PELI2: variants seen among roughly 807,000 people sequenced by gnomAD.
PELI2 encodes the protein E3 ubiquitin-protein ligase pellino homolog 2.
Under a neutral mutation model 42.3 loss-of-function variants are expected in PELI2, and 23 were observed. That is an observed-to-expected ratio of 0.54 (90% CI 0.39 to 0.77). The LOEUF is 0.77. Ranked by LOEUF, PELI2 falls within the 30% of genes least tolerant of loss-of-function variation. PELI2 has a pLI of 0.00. For synonymous variants in PELI2, 245 were observed against 212.2 expected (o/e 1.15, Z -1.34); for missense variants, 463 against 553.2 (o/e 0.84, Z 1.64).
chr14:56,193,086 C>T (rs1886009527), intron 2 of PELI2, among the ~76,000 whole-genome samples: 1 of 152,180 alleles, frequency 6.6e-6, no homozygotes, highest in African/African-American at 2.4e-5. Context: ...TGCTTTAAAT[C>T]AGGCTTTGTG....
chr14:56,214,384 A>G (rs963198449), intron 2 of PELI2, among the ~76,000 whole-genome samples: 1 of 152,198 alleles, frequency 6.6e-6, no homozygotes, highest in African/African-American at 2.4e-5. Context: ...TGTTGGTGGT[A>G]TTCACAGGTT....
chr14:56,277,634 C>G (rs1029186001), intron 2 of PELI2, among the ~76,000 whole-genome samples: 1 of 152,122 alleles, frequency 6.6e-6, no homozygotes, highest in Admixed American at 6.5e-5. Flanking sequence ...GTTCCTGGTA[C>G]AAAAAGGTTG....
intron 2 of PELI2, among the ~76,000 whole-genome samples, chr14:56,242,634 A>C (rs984087016): frequency 6.6e-6 from 1 of 152,204 alleles, no homozygotes; most frequent in Non-Finnish European, 1.5e-5. Context: ...GATAAAGAAA[A>C]TGTGGTATAT....
intron 1 of PELI2, among the ~76,000 whole-genome samples, chr14:56,125,415 C>T (rs1444948660): frequency 1.1e-5 from 1 of 90,416 alleles, no homozygotes; most frequent in Non-Finnish European, 2.3e-5. Context: ...ATTGGGTGGG[C>T]AGGGGGGGGG....
intron 1 of PELI2, among the ~76,000 whole-genome samples, chr14:56,176,025 C>G (rs1157396643): frequency 3.3e-5 from 5 of 152,228 alleles, no homozygotes; most frequent in Non-Finnish European, 7.3e-5. Context: ...GACTATCTCT[C>G]TGTCCCAATT....
Position 56,178,504 on chromosome 14 carries a change from C to T in PELI2, c.207+40C>T, listed in dbSNP as rs577215284. On this transcript the variant is annotated intron_variant, in intron 2 of 5. Transcript: ENST00000267460. ...CAAGAGTTGGGAGGGTGCTGGCAAA[C>T]AGTGACTCACAGATACTCCTTGTCC... is the stretch of plus-strand genomic sequence containing the variant. 3.7e-6 allele frequency: 6 copies of T among 1,607,656 alleles called. No individual in the cohort carries two copies. The African/African-American group carries it at 8.0e-5, about 21-fold the overall frequency.
intron 2 of PELI2, among the ~76,000 whole-genome samples, chr14:56,267,485 G>A (rs986849552): frequency 5.3e-5 from 8 of 152,118 alleles, no homozygotes; most frequent in African/African-American, 1.9e-4. Context: ...ATGGCATTGC[G>A]TGGCAGCAGG....
intron 3 of PELI2, among the ~76,000 whole-genome samples, chr14:56,286,547 T>C (rs1230969006): frequency 6.6e-6 from 1 of 152,206 alleles, no homozygotes; most frequent in East Asian, 1.9e-4. Context: ...GACTATCACA[T>C]GAAATTCAGA....
chr14:56,178,502 A>G (rs1430938383), intron 2 of PELI2, 38 bp downstream of exon 2: 1 of 1,610,868 alleles, frequency 6.2e-7, no homozygotes, highest in Non-Finnish European at 8.5e-7. Flanking sequence ...GGTGCTGGCA[A>G]ACAGTGACTC....
intron 2 of PELI2, among the ~76,000 whole-genome samples, chr14:56,203,067 C>T (rs1286916937): frequency 6.6e-6 from 1 of 152,094 alleles, no homozygotes; most frequent in Non-Finnish European, 1.5e-5. Context: ...AATTATTGCA[C>T]AGAAATTAAT....
chr14:56,200,748 G>A (rs939097314), intron 2 of PELI2, among the ~76,000 whole-genome samples: 2 of 152,278 alleles, frequency 1.3e-5, no homozygotes, highest in East Asian at 3.9e-4. Flanking sequence ...CCTTCTTAAA[G>A]TTCCTGTTAG....
chr14:56,175,331 A>G (rs1885333341), intron 1 of PELI2, among the ~76,000 whole-genome samples: 1 of 152,152 alleles, frequency 6.6e-6, no homozygotes, highest in African/African-American at 2.4e-5. Flanking sequence ...TTCCACCATG[A>G]AGCCTTCTCT....
intron 2 of PELI2, among the ~76,000 whole-genome samples, chr14:56,206,709 TTTTG>T (rs901390816): frequency 1.3e-5 from 2 of 152,196 alleles, no homozygotes; most frequent in African/African-American, 2.4e-5. Flanking sequence ...TGATCGTTTT[TTTTG>T]TTTGTTTGTT....
At chr14:56,230,948 G>A (rs1464259765) in intron 2 of PELI2, among the ~76,000 whole-genome samples, 1 of 152,008 alleles carries the variant, frequency 6.6e-6, no homozygotes, top group Non-Finnish European at 1.5e-5. Context: ...AAAAGGCAGG[G>A]GTTGCAATCC....
rs1165584176 is a variant in PELI2, at chr14:56,288,872, A to G, written c.507+238A>G. On this transcript the variant is annotated intron_variant, in intron 4 of 5. Transcript: ENST00000267460. The surrounding 1 kb of genome is among the most constrained non-coding windows in gnomAD (Gnocchi z 4.6). ...AATATTTACAGTAAGTACTTTTTTTAAAGTATGCCTATAACATTGTCCATA... is the reference window on the plus strand; with the variant it reads ...AATATTTACAGTAAGTACTTTTTTTGAAGTATGCCTATAACATTGTCCATA... Among the ~76,000 whole-genome samples, 1 of 152,228 alleles carries G rather than the reference A, an allele frequency of 6.6e-6. No homozygotes were observed. The highest frequency in any genetic ancestry group is 1.5e-5 in the Non-Finnish European group (1 of 68,040).
At position 56,297,382 on chromosome 14, in the gene PELI2, C is replaced by T; in HGVS notation, c.*216C>T. 1 of 493,416 alleles carries T rather than the reference C, an allele frequency of 2.0e-6. No individual in the cohort carries two copies. Among genetic ancestry groups the T allele is most frequent in the Non-Finnish European group, 3.6e-6 (1 of 279,022 alleles). The allele number at this position is 493,416 out of a possible 1,614,324, so 30.6% of individuals were successfully genotyped here. A position where few individuals can be genotyped will look rare whatever the true frequency, so the allele number is the denominator to read the frequency against. ...ACAGCAGCGTCGTCATTGAAGTCTG[C>T]TTGATTAAACCATAATATCTTTGTA... On this transcript the variant is annotated 3_prime_UTR_variant, in exon 6 of 6. Transcript: ENST00000267460.
chr14:56,211,109 CA>C (rs1242595097), intron 2 of PELI2, among the ~76,000 whole-genome samples: 1 of 152,160 alleles, frequency 6.6e-6, no homozygotes, highest in African/African-American at 2.4e-5. Flanking sequence ...GCTACGCTGT[CA>C]ACTGAGAAGT....
At chr14:56,120,626 G>T (rs7150067) in intron 1 of PELI2, among the ~76,000 whole-genome samples, 61,630 of 152,126 alleles carry the variant, frequency 0.41, 14,824 homozygotes, top group Admixed American at 0.57. Context: ...CCTACTCTGT[G>T]CCTGTGCTGT....
chr14:56,122,492 G>A (rs984849392), intron 1 of PELI2, among the ~76,000 whole-genome samples: 2 of 152,078 alleles, frequency 1.3e-5, no homozygotes, highest in African/African-American at 2.4e-5. Context: ...TTTGAAGCAT[G>A]TGGCTCTCTT....
Sources: allele counts gnomAD v4.1 joint callset (sites outside exome capture counted in the v4.1 genomes callset), GRCh38; gene constraint gnomAD v4.1.1; non-coding constraint Gnocchi (gnomAD v3.1); transcripts MANE v1.5; gene names NCBI Gene and HGNC (gene_info 2026-07-23, HGNC 2026-07-21).